Variants in MAPK10 observed in about 807,000 individuals in gnomAD.
MAPK10 encodes the protein JNK3 alpha protein kinase.
Under a neutral mutation model 59.3 loss-of-function variants are expected in MAPK10, and 25 were observed. The ratio of observed to expected loss-of-function variants is 0.42; its 90% CI spans 0.31 to 0.59. The LOEUF is 0.59. MAPK10 is among the 20% of genes least tolerant of loss of function. The pLI is 0.15. For missense variants in MAPK10, 351 were observed against 568.9 expected (o/e 0.62, Z 3.90); for synonymous variants, 190 against 200.5 (o/e 0.95, Z 0.44).
intron 2 of MAPK10, among the ~76,000 whole-genome samples, chr4:86,335,470 G>A (rs6825707): frequency 0.75 from 114,044 of 152,186 alleles, 43,179 homozygotes; most frequent in South Asian, 0.91. Flanking sequence ...TAGAAATGGC[G>A]GACTAAAAAT....
chr4:86,314,937 T>C (rs919502803), intron 2 of MAPK10, among the ~76,000 whole-genome samples: 3 of 152,284 alleles, frequency 2.0e-5, no homozygotes, highest in Admixed American at 6.5e-5. Flanking sequence ...TTCCAACACA[T>C]AGAATTATTT....
intron 1 of MAPK10, among the ~76,000 whole-genome samples, chr4:86,521,483 G>A (rs1041299942): frequency 2.6e-5 from 4 of 152,110 alleles, no homozygotes; most frequent in Admixed American, 2.6e-4. Context: ...TGTGGCCACT[G>A]TCGGGGATGG....
intron 1 of MAPK10, among the ~76,000 whole-genome samples, chr4:86,576,239 G>A (rs2149110219): frequency 6.6e-6 from 1 of 152,056 alleles, no homozygotes; most frequent in South Asian, 2.1e-4. Context: ...AAATTCAGTG[G>A]AAAAAGATGA....
intron 1 of MAPK10, among the ~76,000 whole-genome samples, chr4:86,535,178 C>T (rs1578029794): frequency 1.3e-5 from 2 of 152,216 alleles, no homozygotes; most frequent in East Asian, 1.9e-4. Context: ...ACGGAAATGG[C>T]CCCTTGAAAT....
intron 13 of MAPK10, chr4:86,020,987 G>C (rs141010997): frequency 0.097 from 14,706 of 152,244 alleles, 875 homozygotes; most frequent in Non-Finnish European, 0.13. Flanking sequence ...CTGCTGATTG[G>C]TAGAGCCGAG....
intron 2 of MAPK10, among the ~76,000 whole-genome samples, chr4:86,320,054 C>T (rs929305682): frequency 2.0e-5 from 3 of 152,204 alleles, no homozygotes; most frequent in Non-Finnish European, 4.4e-5. Flanking sequence ...GAGAAGTAGT[C>T]AAACTTCAAG....
At chr4:86,265,664 C>T (rs923981132) in intron 2 of MAPK10, among the ~76,000 whole-genome samples, 7 of 125,942 alleles carry the variant, frequency 5.6e-5, no homozygotes. Context: ...TGCTTTGTTT[C>T]GGGCAGTAAG....
In MAPK10 at chr4:86,016,289, A is replaced by G. The variant is rs537848920; in HGVS notation, c.*939T>C. The G allele has an allele frequency of 6.6e-6, 1 of 152,354 alleles. No individual in the cohort carries two copies. The highest frequency in any genetic ancestry group is 6.5e-5 in the Admixed American group (1 of 15,292). 9.4% of individuals were successfully genotyped at this position (152,354 alleles called of 1,614,324 possible). On this transcript the variant is annotated 3_prime_UTR_variant, in exon 14 of 14. Transcript: ENST00000641462. ...ACCAGTGTCTCCTAGTATCTGGGTA[A>G]TAACCTCCTTTCAGTCTTAGTCCAC... is the stretch of plus-strand genomic sequence containing the variant.
chr4:86,062,631 T>C (rs1285961618), intron 11 of MAPK10, among the ~76,000 whole-genome samples: 1 of 152,126 alleles, frequency 6.6e-6, no homozygotes, highest in African/African-American at 2.4e-5. Context: ...TAGTGAGGCA[T>C]AAGTTAATAT....
intron 13 of MAPK10, among the ~76,000 whole-genome samples, chr4:86,023,375 C>T (rs1408178825): frequency 6.6e-6 from 1 of 152,016 alleles, no homozygotes; most frequent in East Asian, 1.9e-4. Flanking sequence ...TGTAAATTTC[C>T]CAGCTGTGTT....
intron 1 of MAPK10, among the ~76,000 whole-genome samples, chr4:86,447,651 G>A (rs995600141): frequency 1.3e-5 from 2 of 151,788 alleles, no homozygotes; most frequent in African/African-American, 2.4e-5. Context: ...TACAAACACT[G>A]GTGCTTTTTT....
rs1163541683 is a variant in MAPK10, at chr4:86,064,310, G to A, written c.1066C>T (p.His356Tyr). 1 of 1,614,164 alleles carries A rather than the reference G, an allele frequency of 6.2e-7. No individual in the cohort carries two copies. The highest frequency in any genetic ancestry group is 8.5e-7 in the Non-Finnish European group (1 of 1,180,016). ...KRISVDDALQHPYINVWYDPA... is the reference protein window; with the variant it reads ...KRISVDDALQYPYINVWYDPA... The stretch of plus-strand genomic sequence containing the variant: ...TCATACCAGACGTTGATGTAGGGAT[G>A]CTGTAAGGCGTCGTCCACTGATATT... Residue 356 changes from histidine (H) to tyrosine (Y), a missense_variant, in exon 11 of 14, where the codon CAT becomes TAT. His to Tyr is a moderately conservative substitution (Grantham distance 83). This residue lies in a region of MAPK10 where 155 missense variants were observed against 204.2 expected (regional missense o/e 0.76). Transcript: ENST00000641462.
intron 4 of MAPK10, among the ~76,000 whole-genome samples, chr4:86,156,497 C>T (rs1460008328): frequency 3.9e-5 from 6 of 151,978 alleles, no homozygotes; most frequent in Non-Finnish European, 7.4e-5. Flanking sequence ...AATATGGCTT[C>T]ACTTCCTTTC....
At chr4:86,195,106 C>CT (rs1242294335) in intron 2 of MAPK10, among the ~76,000 whole-genome samples, 6 of 151,972 alleles carry the variant, frequency 3.9e-5, no homozygotes, top group Non-Finnish European at 8.8e-5. Flanking sequence ...TCAAAATATT[C>CT]TATAAGTTTG....
In MAPK10 at chr4:86,398,303, A is replaced by C. The variant is rs760855925; in HGVS notation, c.-121-43659T>G. ...ATAATTATCACTAAGTATTTATTTT[A>C]GGTCAGATGCTACTTTCAGGGTTCT... On this transcript the variant is annotated intron_variant, in intron 1 of 13. Transcript: ENST00000361569. Among the ~76,000 whole-genome samples, 115 of 152,212 alleles carry C rather than the reference A, an allele frequency of 7.6e-4. 2 individuals carry two copies. The highest frequency in any genetic ancestry group is 9.3e-4 in the Non-Finnish European group (63 of 68,030).
intron 10 of MAPK10, chr4:86,065,304 T>A (rs893234863): frequency 6.6e-6 from 1 of 152,204 alleles, no homozygotes; most frequent in South Asian, 2.1e-4. Flanking sequence ...CATTCTGTAA[T>A]CATCAGGTAT....
Position 86,011,190 on chromosome 4 carries a change from G to A in MAPK10, c.*6038C>T, listed in dbSNP as rs1246577325. 6.6e-6 allele frequency: 1 copy of A among 152,210 alleles called. No individual in the cohort carries two copies. Among genetic ancestry groups the A allele is most frequent in the African/African-American group, 2.4e-5 (1 of 41,434 alleles). The allele number at this position is 152,210 out of a possible 1,614,324, so 9.4% of individuals were successfully genotyped here. On this transcript the variant is annotated 3_prime_UTR_variant, in exon 14 of 14. Transcript: ENST00000641462. ...TAAACAGACTACAATGATGTAAATG[G>A]TTGAACAGTTGAAATTTAGTCTGGA... is the stretch of plus-strand genomic sequence containing the variant.
At chr4:86,547,031 G>A (rs940202086) in intron 1 of MAPK10, among the ~76,000 whole-genome samples, 2 of 152,140 alleles carry the variant, frequency 1.3e-5, no homozygotes, top group African/African-American at 2.4e-5. Context: ...CAGCCTGGGC[G>A]ACAGAGCGAG....
intron 4 of MAPK10, among the ~76,000 whole-genome samples, chr4:86,134,692 C>T (rs942281986): frequency 3.9e-5 from 6 of 152,132 alleles, no homozygotes; most frequent in Admixed American, 6.5e-5. Context: ...CCAAGATGGC[C>T]GAATAGGAAC....
Sources: allele counts gnomAD v4.1 joint callset (sites outside exome capture counted in the v4.1 genomes callset), GRCh38; gene constraint gnomAD v4.1.1; regional missense constraint gnomAD v4.1.1; transcripts MANE v1.5; gene names NCBI Gene and HGNC (gene_info 2026-07-23, HGNC 2026-07-21).